Variants in UBR3 observed in about 807,000 individuals in gnomAD.
UBR3 encodes the protein ubiquitin protein ligase E3 component n-recognin 3, also known as E3 ubiquitin-protein ligase UBR3.
Under a neutral mutation model 243.2 loss-of-function variants are expected in UBR3, and 85 were observed. The ratio of observed to expected loss-of-function variants is 0.35; its 90% CI spans 0.29 to 0.42. UBR3 has a LOEUF of 0.42. UBR3 is among the 10% of genes least tolerant of loss of function. The probability of loss-of-function intolerance (pLI) is 1.00; values close to 1 mark genes in which losing one functional copy is unlikely to be tolerated. For missense variants in UBR3, 1,686 were observed against 2,300.8 expected (o/e 0.73, Z 5.47); for synonymous variants, 748 against 799.8 (o/e 0.94, Z 1.09).
At chr2:170,080,823 T>C in intron 38 of UBR3, 139 bp downstream of exon 38, 1 of 977,672 alleles carries the variant, frequency 1.0e-6, no homozygotes, top group South Asian at 2.0e-5. Context: ...CTATTTCTAG[T>C]TTTTGAGCTA....
chr2:169,999,607 A>G (rs901980375), intron 26 of UBR3, among the ~76,000 whole-genome samples: 1 of 152,220 alleles, frequency 6.6e-6, no homozygotes, highest in Non-Finnish European at 1.5e-5. Flanking sequence ...TTGTGCCTTC[A>G]TATTGCTCTG....
chr2:169,840,262 C>T (rs191922725), intron 1 of UBR3, among the ~76,000 whole-genome samples: 10 of 152,250 alleles, frequency 6.6e-5, no homozygotes, highest in African/African-American at 2.4e-4. Context: ...CCCTCTGGGC[C>T]TGAGCTGTCT....
chr2:169,939,674 C>A (rs2086503233), intron 19 of UBR3, among the ~76,000 whole-genome samples: 2 of 151,960 alleles, frequency 1.3e-5, no homozygotes, highest in African/African-American at 2.4e-5. Flanking sequence ...AGCGATCTTC[C>A]CACCTCAGCC....
chr2:170,023,449 G>T (rs2090445216), intron 30 of UBR3, among the ~76,000 whole-genome samples: 1 of 150,128 alleles, frequency 6.7e-6, no homozygotes, highest in African/African-American at 2.5e-5. Context: ...TCACTCTGTT[G>T]CCCAGGCTGG....
chr2:169,997,314 C>T (rs1294733681), intron 26 of UBR3, among the ~76,000 whole-genome samples: 1 of 152,154 alleles, frequency 6.6e-6, no homozygotes, highest in East Asian at 1.9e-4. Flanking sequence ...CCCGCAACCA[C>T]TGCAGCTCCA....
At chr2:170,016,510 T>C (rs2090239807) in intron 30 of UBR3, among the ~76,000 whole-genome samples, 1 of 151,934 alleles carries the variant, frequency 6.6e-6, no homozygotes, top group Non-Finnish European at 1.5e-5. Flanking sequence ...GAGTTTTAGT[T>C]TCTAATCTGT....
chr2:169,958,600 T>C, intron 24 of UBR3, 74 bp downstream of exon 24: 2 of 1,335,928 alleles, frequency 1.5e-6, no homozygotes, highest in Non-Finnish European at 1.0e-6. Flanking sequence ...TCCAGTCTTT[T>C]ACTAATTTAA....
rs2085881552 is a variant in UBR3 at position 169,925,603 on chromosome 2, A to G, written c.2023-16A>G. The G allele has an allele frequency of 6.5e-7, 1 of 1,533,824 alleles. No individual in the cohort carries two copies. The highest frequency in any genetic ancestry group is 1.2e-5 in the South Asian group (1 of 80,082). On this transcript the variant is annotated splice_polypyrimidine_tract_variant and intron_variant, in intron 13 of 38. Coordinates refer to ENST00000272793, the MANE Select transcript of UBR3 (RefSeq NM_172070.4). ...CATTTAGATAATTTATTCTTTGTCC[A>G]ATTTACTTTTATTAGGCAAGTCTTG...
chr2:169,853,509 G>T (rs1348516810), intron 1 of UBR3, among the ~76,000 whole-genome samples: 1 of 150,466 alleles, frequency 6.6e-6, no homozygotes, highest in Admixed American at 6.6e-5. Flanking sequence ...AGAGTGCAGC[G>T]GTGTGATCTT....
chr2:169,905,094 TTGTG>T lies in UBR3; in HGVS notation c.1466-14_1466-11del. ...AAAAAAATCTTATGAAATTTTTGGGTTGTGTGTGTCTTTTTTTAGATGAAGAAAA... is the reference window on the plus strand; with the variant it reads ...AAAAAAATCTTATGAAATTTTTGGGTTGTGTCTTTTTTTAGATGAAGAAAA... On this transcript the variant is annotated splice_polypyrimidine_tract_variant and intron_variant, in intron 8 of 38. Transcript: ENST00000272793. 6.9e-7 allele frequency: 1 copy of T among 1,440,064 alleles called. No individual in the cohort carries two copies. Among genetic ancestry groups the T allele is most frequent in the East Asian group, 2.6e-5 (1 of 38,230 alleles). 89.2% of individuals were successfully genotyped at this position (1,440,064 alleles called of 1,614,324 possible).
chr2:169,951,032 CTTTATTA>C (rs896149220), intron 23 of UBR3, among the ~76,000 whole-genome samples: 1 of 152,058 alleles, frequency 6.6e-6, no homozygotes, highest in African/African-American at 2.4e-5. Flanking sequence ...GTTTTAATTT[CTTTATTA>C]TTTAAGACAA....
At position 170,005,889 on chromosome 2, in the gene UBR3, A is replaced by G. The variant is rs1186372559; in HGVS notation, c.4030-1101A>G. Among the ~76,000 whole-genome samples, 3 of 152,118 alleles carry G rather than the reference A, an allele frequency of 2.0e-5. No homozygotes were observed. In the East Asian group the frequency reaches 5.8e-4, roughly 29 times the overall value. On this transcript the variant is annotated intron_variant, in intron 27 of 38. Transcript: ENST00000272793. ...AGTGAAAAGGAAGGAAAAGGATAGT[A>G]TTGCTAAATGACATGAGCCACAAAG...
chr2:170,061,092 C>A lies in UBR3; in HGVS notation c.4799C>A (p.Ala1600Glu). The change falls in exon 34 of 39, where the codon GCA (alanine) becomes GAA (glutamate). Residue 1600 changes from alanine to glutamate, a missense_variant. Transcript: ENST00000272793. ...AGALKKSTCDAEKSYEVLLSF... is the reference protein window; with the variant it reads ...AGALKKSTCDEEKSYEVLLSF... Reference sequence around the variant, plus strand: ...TAATTTTTTCAGAGTACATGTGATGCAGAAAAGTCTTACGAAGTATTACTG... The same window carrying A: ...TAATTTTTTCAGAGTACATGTGATGAAGAAAAGTCTTACGAAGTATTACTG... The A allele has an allele frequency of 6.4e-7, 1 of 1,570,380 alleles. No homozygotes were observed. Among genetic ancestry groups the A allele is most frequent in the South Asian group, 1.2e-5 (1 of 81,714 alleles).
rs16857579 is a variant in UBR3, at chr2:170,071,809, C to T, written c.5020-1619C>T. Among the ~76,000 whole-genome samples the T allele has an allele frequency of 6.4e-3, 981 of 152,208 alleles. 11 individuals carry two copies. The highest frequency in any genetic ancestry group is 0.022 in the African/African-American group (913 of 41,538). On this transcript the variant is annotated intron_variant, in intron 35 of 38. Transcript: ENST00000272793. ...ATTAGTTTTGCAGACATTTGTTGAACGTCTGCTATGTGCCAAGCATTAGGA... is the reference window on the plus strand; with the variant it reads ...ATTAGTTTTGCAGACATTTGTTGAATGTCTGCTATGTGCCAAGCATTAGGA...
intron 30 of UBR3, among the ~76,000 whole-genome samples, chr2:170,019,566 T>A (rs1002726958): frequency 6.6e-6 from 1 of 151,774 alleles, no homozygotes; most frequent in African/African-American, 2.4e-5. Context: ...GTGCCTGTGG[T>A]CCCAGCTACT....
intron 26 of UBR3, among the ~76,000 whole-genome samples, chr2:170,000,874 G>T (rs575670174): frequency 1.3e-4 from 20 of 152,224 alleles, no homozygotes; most frequent in African/African-American, 3.8e-4. Context: ...AGTTAAAGAG[G>T]CAGGAACGAA....
intron 24 of UBR3, among the ~76,000 whole-genome samples, chr2:169,985,250 C>T (rs1471755040): frequency 1.5e-5 from 2 of 130,378 alleles, no homozygotes; most frequent in African/African-American, 5.7e-5. Context: ...TTTTCTGAGA[C>T]GTAGTTTCAC....
chr2:169,976,566 C>G (rs1408559506), intron 24 of UBR3, among the ~76,000 whole-genome samples: 1 of 152,086 alleles, frequency 6.6e-6, no homozygotes, highest in Non-Finnish European at 1.5e-5. Flanking sequence ...TTCAAAATTT[C>G]AGAACTTTGA....
At chr2:170,006,175 A>G (rs1029606877) in intron 27 of UBR3, among the ~76,000 whole-genome samples, 28 of 152,130 alleles carry the variant, frequency 1.8e-4, no homozygotes, top group African/African-American at 6.5e-4. Context: ...TAGCTCACAA[A>G]TCTTCTTCTC....
Sources: allele counts gnomAD v4.1 joint callset (sites outside exome capture counted in the v4.1 genomes callset), GRCh38; gene constraint gnomAD v4.1.1; transcripts MANE v1.5; gene names NCBI Gene and HGNC (gene_info 2026-07-23, HGNC 2026-07-21).